The following NUBP1 variants were observed in gnomAD, a reference collection of about 807,000 sequenced individuals.
NUBP1 encodes cytosolic Fe-S cluster assembly factor NUBP1.
NUBP1 carries 46 observed loss-of-function variants against 41.8 expected under a neutral mutation model. The observed-to-expected ratio is 1.10, with a 90% confidence interval of 0.87 to 1.41. The LOEUF is 1.41. NUBP1 is among the 40% of genes most tolerant of loss of function. The probability of loss-of-function intolerance (pLI) is 0.00; values close to 1 mark genes in which losing one functional copy is unlikely to be tolerated. For synonymous variants in NUBP1, 189 were observed against 154.6 expected, an observed-to-expected ratio of 1.22 and a Z score of -1.65; for missense variants, 494 against 414.0, an observed-to-expected ratio of 1.19 and a Z score of -1.68.
At chr16:10,752,480 G>C in intron 3 of NUBP1, 130 bp from the exon 4 acceptor site, 1 of 689,878 alleles carries the variant, frequency 1.4e-6, no homozygotes, top group Non-Finnish European at 2.6e-6. Flanking sequence ...GAATCTGATG[G>C]CTCCAAGTTT....
intron 2 of NUBP1, among the ~76,000 whole-genome samples, chr16:10,746,612 G>T (rs1316094867): frequency 6.6e-6 from 1 of 152,094 alleles, no homozygotes; most frequent in Non-Finnish European, 1.5e-5. Context: ...ATGGTGGCAG[G>T]CACCTGTAAT....
At chr16:10,760,063 T>C (rs1900836252) in intron 7 of NUBP1, among the ~76,000 whole-genome samples, 3 of 152,248 alleles carry the variant, frequency 2.0e-5, no homozygotes, top group Admixed American at 2.0e-4. Flanking sequence ...TTATACACAG[T>C]AATCACATTG....
In NUBP1 at chr16:10,761,852, G is replaced by C; in HGVS notation, c.813G>C (p.Pro271=). The change falls in exon 9 of 11, where the codon CCG becomes CCC. Residue 271 remains proline (P), a synonymous_variant. Transcript: ENST00000283027. ...VPLLGRVPLD[P]LIGKNCDKGQ... Reference sequence around the variant, plus strand: ...TCCTCGGCAGAGTGCCCCTGGATCCGCTCATAGGTGGGTGACCCCAGTGTG... The same window carrying C: ...TCCTCGGCAGAGTGCCCCTGGATCCCCTCATAGGTGGGTGACCCCAGTGTG... 6.2e-7 allele frequency: 1 copy of C among 1,613,054 alleles called. No homozygotes were observed. Among genetic ancestry groups the C allele is most frequent in the Non-Finnish European group, 8.5e-7 (1 of 1,179,162 alleles).
In NUBP1 at chr16:10,761,419, T is replaced by C. The variant is rs749103884; in HGVS notation, c.662T>C (p.Leu221Pro). 6.2e-7 allele frequency: 1 copy of C among 1,614,174 alleles called. No individual in the cohort carries two copies. The highest frequency in any genetic ancestry group is 8.5e-7 in the Non-Finnish European group (1 of 1,180,002). The change falls in exon 8 of 11, where the codon CTG becomes CCG. Residue 221 changes from leucine (L) to proline (P), a missense_variant. Physicochemically the swap from Leu to Pro is moderately conservative, Grantham distance 98. Transcript: ENST00000283027. ...ATCAACTTCTGCCGCAAGGTGAAGCTGCCCATCATCGGGGTGGTGGAGAAC... is the reference window on the plus strand; with the variant it reads ...ATCAACTTCTGCCGCAAGGTGAAGCCGCCCATCATCGGGGTGGTGGAGAAC... The part of the protein sequence containing the change: ...KEINFCRKVK[L>P]PIIGVVENMS...
chr16:10,755,460 T>C (rs955600225), intron 4 of NUBP1, among the ~76,000 whole-genome samples: 2 of 152,232 alleles, frequency 1.3e-5, no homozygotes, highest in Non-Finnish European at 2.9e-5. Flanking sequence ...ATATTTGAAC[T>C]TGAGTAACTT....
chr16:10,751,609 A>G (rs1305922908), intron 3 of NUBP1, among the ~76,000 whole-genome samples: 1 of 152,184 alleles, frequency 6.6e-6, no homozygotes, highest in Non-Finnish European at 1.5e-5. Context: ...CAAGATGAAT[A>G]CTAGCCCTGT....
chr16:10,758,392 G>A (rs1900717889), intron 7 of NUBP1, among the ~76,000 whole-genome samples: 1 of 152,226 alleles, frequency 6.6e-6, no homozygotes, highest in Admixed American at 6.5e-5. Flanking sequence ...AGGATCATTT[G>A]AGCCTGGGGA....
rs2030623393 is a variant in NUBP1 at position 10,764,841 on chromosome 16, G to A, written c.820+2982G>A. Among the ~76,000 whole-genome samples the A allele has an allele frequency of 9.2e-5, 7 of 75,778 alleles. No individual in the cohort carries two copies. In the Admixed American group the frequency reaches 1.0e-3, roughly 11 times the overall value. The allele number at this position is 75,778 out of a possible 152,430, so 49.7% of individuals were successfully genotyped here. A position where few individuals can be genotyped will look rare whatever the true frequency, so the allele number is the denominator to read the frequency against. On this transcript the variant is annotated intron_variant, in intron 9 of 10. Coordinates refer to ENST00000283027, the MANE Select transcript of NUBP1 (RefSeq NM_002484.4). ...TCTGCTGGAGTATGTCAGTCTGTTG[G>A]AGCATCTGTCTGCTGGAGTATGTCA... is the stretch of plus-strand genomic sequence containing the variant.
Position 10,749,126 on chromosome 16 carries a change from TACACAC to T in NUBP1, c.258+1889_258+1894del, listed in dbSNP as rs58201009. ...GGATATAGATAGATACACAGACACA[TACACAC>T]ACACACACACACACACACACACACA... is the stretch of plus-strand genomic sequence containing the variant. On this transcript the variant is annotated intron_variant, in intron 3 of 10. Transcript: ENST00000283027. This position sits in a 1 kb window ranked among gnomAD's most constrained non-coding sequence, Gnocchi z 4.1. 0.23 allele frequency among the ~76,000 whole-genome samples: 28,270 copies of T among 120,648 alleles called. 3,529 individuals are homozygous for T. Among genetic ancestry groups the T allele is most frequent in the East Asian group, 0.42 (1,739 of 4,128 alleles). 79.1% of individuals were successfully genotyped at this position (120,648 alleles called of 152,430 possible).
intron 2 of NUBP1, among the ~76,000 whole-genome samples, chr16:10,745,428 C>A (rs952238784): frequency 6.6e-6 from 1 of 151,850 alleles, no homozygotes; most frequent in Non-Finnish European, 1.5e-5. Flanking sequence ...GCACTCCAGC[C>A]TGGGTGACAG....
intron 5 of NUBP1, among the ~76,000 whole-genome samples, chr16:10,756,113 T>A (rs997937481): frequency 3.9e-5 from 6 of 152,202 alleles, no homozygotes; most frequent in Non-Finnish European, 5.9e-5. Flanking sequence ...GTGCAGTGGC[T>A]CACACCTGTG....
rs1290950185 is a variant in NUBP1, at chr16:10,766,721, C to T, written c.821-1228C>T. The T allele has an allele frequency of 1.5e-5, 6 of 389,092 alleles. No homozygotes were observed. The highest frequency in any genetic ancestry group is 3.6e-5 in the East Asian group (1 of 27,438). 24.1% of individuals were successfully genotyped at this position (389,092 alleles called of 1,614,324 possible). A position where few individuals can be genotyped will look rare whatever the true frequency, so the allele number is the denominator to read the frequency against. Reference sequence around the variant, plus strand: ...TTATTGAAAATGAAAGTCAACTCCACGGTGTGGGAGGAGAACGGGCCTGAG... The same window carrying T: ...TTATTGAAAATGAAAGTCAACTCCATGGTGTGGGAGGAGAACGGGCCTGAG... On this transcript the variant is annotated intron_variant, in intron 9 of 10. Coordinates refer to ENST00000283027, the MANE Select transcript of NUBP1 (RefSeq NM_002484.4). This position sits in a 1 kb window ranked among gnomAD's most constrained non-coding sequence, Gnocchi z 4.8.
chr16:10,763,328 GA>G (rs1292332679), intron 9 of NUBP1, among the ~76,000 whole-genome samples: 1 of 152,052 alleles, frequency 6.6e-6, no homozygotes, highest in Non-Finnish European at 1.5e-5. Flanking sequence ...AGTGTTGGGG[GA>G]TGGCTGCCTC....
In NUBP1 at chr16:10,749,114, T is replaced by TACAC; in HGVS notation, c.258+1840_258+1843dup. Among the ~76,000 whole-genome samples the TACAC allele has an allele frequency of 9.6e-6, 1 of 104,012 alleles. No individual in the cohort carries two copies. The highest frequency in any genetic ancestry group is 2.6e-4 in the East Asian group (1 of 3,800). 68.2% of individuals were successfully genotyped at this position (104,012 alleles called of 152,430 possible). On this transcript the variant is annotated intron_variant, in intron 3 of 10. Transcript: ENST00000283027. This position sits in a 1 kb window ranked among gnomAD's most constrained non-coding sequence, Gnocchi z 4.1. ...AAAAAAAAAAAAGGATATAGATAGA[T>TACAC]ACACAGACACATACACACACACACA... is the stretch of plus-strand genomic sequence containing the variant.
At position 10,749,120 on chromosome 16, in the gene NUBP1, G is replaced by GACACACACACACACACACACACACACAC. The variant is rs777149995; in HGVS notation, c.258+1849_258+1850insCACACACACACACACACACACACACACA. Among the ~76,000 whole-genome samples the GACACACACACACACACACACACACACAC allele has an allele frequency of 4.3e-5, 4 of 92,342 alleles. 1 individual carries two copies. Among genetic ancestry groups the GACACACACACACACACACACACACACAC allele is most frequent in the African/African-American group, 1.6e-4 (4 of 25,744 alleles). The allele number at this position is 92,342 out of a possible 152,430, so 60.6% of individuals were successfully genotyped here. On this transcript the variant is annotated intron_variant, in intron 3 of 10. Transcript: ENST00000283027. The surrounding 1 kb of genome is among the most constrained non-coding windows in gnomAD (Gnocchi z 4.1). Reference sequence around the variant, plus strand: ...AAAAAAGGATATAGATAGATACACAGACACATACACACACACACACACACA... The same window carrying GACACACACACACACACACACACACACAC: ...AAAAAAGGATATAGATAGATACACAGACACACACACACACACACACACACACACACACATACACACACACACACACACA...
rs979586063 is a variant in NUBP1, at chr16:10,759,681, T to A, written c.606+1654T>A. On this transcript the variant is annotated intron_variant, in intron 7 of 10. Transcript: ENST00000283027. This position sits in a 1 kb window ranked among gnomAD's most constrained non-coding sequence, Gnocchi z 4.7. ...ATCCCAGCTACTTGGGAGGCTGAGG[T>A]GGGAGAAGTGCTTGAATCCAGGAGA... 6.6e-6 allele frequency among the ~76,000 whole-genome samples: 1 copy of A among 151,868 alleles called. No individual in the cohort carries two copies. Among genetic ancestry groups the A allele is most frequent in the Admixed American group, 6.6e-5 (1 of 15,260 alleles).
chr16:10,749,288 A>C lies in NUBP1; in HGVS notation c.258+2012A>C, dbSNP rs1390580397. Among the ~76,000 whole-genome samples, 1 of 152,080 alleles carries C rather than the reference A, an allele frequency of 6.6e-6. No homozygotes were observed. The highest frequency in any genetic ancestry group is 1.5e-5 in the Non-Finnish European group (1 of 68,020). ...CAGATTGTCTGTATCGTTTAGAAGA[A>C]TCTTTGCTTTTCGAAGCTGTCAGGA... is the stretch of plus-strand genomic sequence containing the variant. On this transcript the variant is annotated intron_variant, in intron 3 of 10. Transcript: ENST00000283027. This position sits in a 1 kb window ranked among gnomAD's most constrained non-coding sequence, Gnocchi z 4.1.
intron 7 of NUBP1, 150 bp downstream of exon 7, chr16:10,758,177 T>C (rs1442233000): frequency 1.2e-6 from 1 of 837,732 alleles, no homozygotes; most frequent in Non-Finnish European, 1.8e-6. Flanking sequence ...AGAAACCTCG[T>C]GTTAAAAACT....
chr16:10,748,034 A>G, intron 3 of NUBP1, among the ~76,000 whole-genome samples: 1 of 152,032 alleles, frequency 6.6e-6, no homozygotes, highest in East Asian at 1.9e-4. Context: ...TGCAACCTCT[A>G]CTTCCTGGGC....
Sources: gnomAD v4.1 joint callset for allele counts (sites outside exome capture counted in the v4.1 genomes callset) on GRCh38, gnomAD v4.1.1 for gene constraint, Gnocchi (gnomAD v3.1) non-coding constraint, MANE v1.5 for transcripts, NCBI Gene and HGNC (gene_info 2026-07-23, HGNC 2026-07-21) for gene names.